Variants in KIF5A observed in about 807,000 individuals in gnomAD.
KIF5A encodes the protein kinesin family member 5A.
Under a neutral mutation model 141.3 loss-of-function variants are expected in KIF5A, and 35 were observed. That is an observed-to-expected ratio of 0.25 (90% CI 0.19 to 0.33). KIF5A has a LOEUF of 0.33. KIF5A is among the 10% of genes least tolerant of loss of function. The pLI is 1.00. For missense variants in KIF5A, 861 were observed against 1,314.3 expected (o/e 0.66, Z 5.33); for synonymous variants, 448 against 500.2 (o/e 0.90, Z 1.39).
Position 57,583,205 on chromosome 12 carries a change from T to C in KIF5A, c.*26T>C. The C allele has an allele frequency of 6.2e-7, 1 of 1,602,248 alleles. No individual in the cohort carries two copies. The highest frequency in any genetic ancestry group is 1.1e-5 in the South Asian group (1 of 90,214). ...TCTCCCACACCCACGGCTGCATACC[T>C]GCACTTTCAGGTAGCGTCAGGCTGC... On this transcript the variant is annotated 3_prime_UTR_variant, in exon 28 of 29. Transcript: ENST00000455537.
At position 57,572,158 on chromosome 12, in the gene KIF5A, T is replaced by A; in HGVS notation, c.1460T>A (p.Val487Glu). ...GCCGCTAAGGATGAGGTGAAGGAAG[T>A]GCTGCAGGCCCTGGAGGAGCTGGCT... ...NDAAKDEVKE[V>E]LQALEELAVN... is the part of the protein sequence containing the mutation. The change falls in exon 14 of 29, where the codon GTG becomes GAG. Residue 487 changes from valine to glutamate, a missense_variant. This residue lies in a region of KIF5A where 167 missense variants were observed against 192.0 expected (regional missense o/e 0.87). Transcript: ENST00000455537. The surrounding 1 kb of genome is among the most constrained non-coding windows in gnomAD (Gnocchi z 4.2). 1 of 1,614,016 alleles carries A rather than the reference T, an allele frequency of 6.2e-7. No individual in the cohort carries two copies. Among genetic ancestry groups the A allele is most frequent in the Non-Finnish European group, 8.5e-7 (1 of 1,179,986 alleles).
rs1487870979 is a variant in KIF5A at position 57,575,222 on chromosome 12, A to C, written c.1855A>C (p.Met619Leu). 6.2e-7 allele frequency: 1 copy of C among 1,613,886 alleles called. No homozygotes were observed. The highest frequency in any genetic ancestry group is 8.5e-7 in the Non-Finnish European group (1 of 1,179,922). The change falls in exon 16 of 29, where the codon ATG (methionine) becomes CTG (leucine). Residue 619 changes from methionine (M) to leucine (L), a missense_variant. Around this residue, in one of 5 missense-constraint regions of KIF5A, gnomAD observed 482 missense variants for 661.3 expected, o/e 0.73. Transcript: ENST00000455537. ...CCTCCAGGTGGAGTGTCACCGCAAG[A>C]TGGAAGTGACCGGGCGGGAGCTCTC... ...ENLQVECHRKMEVTGRELSSC... is the reference protein window; with the variant it reads ...ENLQVECHRKLEVTGRELSSC...
intron 1 of KIF5A, among the ~76,000 whole-genome samples, chr12:57,551,194 GCCCTAC>G (rs749303861): frequency 4.6e-5 from 7 of 152,110 alleles, no homozygotes; most frequent in Non-Finnish European, 8.8e-5. Context: ...CATCATGACA[GCCCTAC>G]CCAAGGAGGA....
rs1327111555 is a variant in KIF5A at position 57,569,967 on chromosome 12, C to T, written c.1118-20C>T. 2 of 1,610,854 alleles carry T rather than the reference C, an allele frequency of 1.2e-6. No homozygotes were observed. The highest frequency in any genetic ancestry group is 1.7e-6 in the Non-Finnish European group (2 of 1,177,882). On this transcript the variant is annotated intron_variant, in intron 11 of 28. Coordinates refer to ENST00000455537, the MANE Select transcript of KIF5A (RefSeq NM_004984.4). ...AGCTTCTTCTTCTTCCATCTCTCAC[C>T]TCGTCTTGCCCCTTTGCAGGAGAGA...
intron 28 of KIF5A, 29 bp downstream of exon 28, chr12:57,583,244 C>T: frequency 7.2e-7 from 1 of 1,390,126 alleles, no homozygotes; most frequent in Admixed American, 1.8e-5. Flanking sequence ...CTCGGACCAG[C>T]CTCAGGTTGC....
chr12:57,555,311 G>A (rs1163439266), intron 1 of KIF5A, among the ~76,000 whole-genome samples: 2 of 152,170 alleles, frequency 1.3e-5, no homozygotes, highest in African/African-American at 4.8e-5. Context: ...TTCATGAAAA[G>A]ATCACTTTTC....
At chr12:57,565,063 G>C in intron 6 of KIF5A, 90 bp downstream of exon 6, 2 of 1,174,464 alleles carry the variant, frequency 1.7e-6, no homozygotes, top group Non-Finnish European at 2.5e-6. Flanking sequence ...TGAAGTTGGA[G>C]GGTGGATATC....
chr12:57,569,705 G>A (rs59862606), intron 11 of KIF5A, 22 bp downstream of exon 11: 6 of 1,611,930 alleles, frequency 3.7e-6, no homozygotes, highest in East Asian at 2.2e-5. Flanking sequence ...ATAGGTGGGA[G>A]TGAGGGGCAG....
At position 57,573,330 on chromosome 12, in the gene KIF5A, G is replaced by GACC. The variant is rs1882313330; in HGVS notation, c.1716+606_1716+608dup. ...GGATCGCTTGAGCCCAGGAGTTCAC[G>GACC]ACCAGCCTGGGTGACATAGTGAAAC... On this transcript the variant is annotated intron_variant, in intron 15 of 28. Coordinates refer to ENST00000455537, the MANE Select transcript of KIF5A (RefSeq NM_004984.4). 2.6e-5 allele frequency among the ~76,000 whole-genome samples: 4 copies of GACC among 152,244 alleles called. No homozygotes were observed. The South Asian group carries it at 8.3e-4, about 32-fold the overall frequency.
intron 16 of KIF5A, 141 bp downstream of exon 16, chr12:57,575,413 C>G: frequency 9.4e-7 from 1 of 1,062,422 alleles, no homozygotes; most frequent in Non-Finnish European, 1.4e-6. Flanking sequence ...GCTGGGGTGG[C>G]AGGGGTGCAG....
At chr12:57,557,874 A>G (rs1005246195) in intron 1 of KIF5A, among the ~76,000 whole-genome samples, 6 of 152,132 alleles carry the variant, frequency 3.9e-5, no homozygotes, top group East Asian at 1.9e-4. Context: ...ACAATTTTCA[A>G]TTTAACTTTC....
intron 8 of KIF5A, among the ~76,000 whole-genome samples, chr12:57,568,439 CAT>C (rs1437499835): frequency 6.6e-6 from 1 of 152,008 alleles, no homozygotes; most frequent in African/African-American, 2.4e-5. Flanking sequence ...TAAATGGAAT[CAT>C]ATGGCTGGGC....
intron 1 of KIF5A, among the ~76,000 whole-genome samples, chr12:57,556,082 T>C (rs1049361950): frequency 6.6e-6 from 1 of 151,680 alleles, no homozygotes; most frequent in Non-Finnish European, 1.5e-5. Context: ...TCATATCTCA[T>C]GTCACATGGC....
At chr12:57,581,335 A>T in intron 24 of KIF5A, 80 bp from the exon 25 acceptor site, 1 of 1,590,508 alleles carries the variant, frequency 6.3e-7, no homozygotes. Flanking sequence ...ACTCAGTTCA[A>T]CCCCAGCTAA....
At position 57,570,342 on chromosome 12, in the gene KIF5A, A is replaced by G. The variant is rs891486645; in HGVS notation, c.1293+180A>G. Among the ~76,000 whole-genome samples, 3 of 152,254 alleles carry G rather than the reference A, an allele frequency of 2.0e-5. No individual in the cohort carries two copies. The South Asian group carries it at 6.2e-4, about 31-fold the overall frequency. ...TTAAAATCATCCACTATTCAGAGAT[A>G]ACACTCAACATTTTGCTTTTCTCTG... On this transcript the variant is annotated intron_variant, in intron 12 of 28. Coordinates refer to ENST00000455537, the MANE Select transcript of KIF5A (RefSeq NM_004984.4).
intron 15 of KIF5A, among the ~76,000 whole-genome samples, chr12:57,573,310 G>A (rs1444331311): frequency 6.6e-6 from 1 of 152,066 alleles, no homozygotes; most frequent in South Asian, 2.1e-4. Context: ...CAGGCGGATC[G>A]CTTGAGCCCA....
intron 6 of KIF5A, among the ~76,000 whole-genome samples, chr12:57,566,666 T>A (rs1450024144): frequency 6.6e-6 from 1 of 151,580 alleles, no homozygotes; most frequent in Admixed American, 6.6e-5. Context: ...CACATTGGCC[T>A]CCCAAACCAA....
Position 57,567,176 on chromosome 12 carries a change from T to C in KIF5A, c.552T>C (p.Ile184=). 1 of 1,613,600 alleles carries C rather than the reference T, an allele frequency of 6.2e-7. No homozygotes were observed. The highest frequency in any genetic ancestry group is 8.5e-7 in the Non-Finnish European group (1 of 1,179,672). The change falls in exon 7 of 29, where the codon ATT becomes ATC. Residue 184 remains isoleucine, a synonymous_variant. Coordinates refer to ENST00000455537, the MANE Select transcript of KIF5A (RefSeq NM_004984.4). The part of the protein sequence containing the change: ...VSSPEEILDV[I]DEGKSNRHVA... ...GCCCGGAGGAGATTCTGGATGTGAT[T>C]GATGAAGGGAAATCAAATCGTCATG...
Position 57,582,040 on chromosome 12 carries a change from A to G in KIF5A, c.2992+88A>G, listed in dbSNP as rs563123919. 9 of 1,078,388 alleles carry G rather than the reference A, an allele frequency of 8.3e-6. No homozygotes were observed. In the African/African-American group the frequency reaches 1.4e-4, roughly 17 times the overall value. The allele number at this position is 1,078,388 out of a possible 1,614,324, so 66.8% of individuals were successfully genotyped here. A position where few individuals can be genotyped will look rare whatever the true frequency, so the allele number is the denominator to read the frequency against. ...AGTAAGTGACCTTAGTGTACAAAAA[A>G]CACTGACTGAACCTTTCTGGTGTGC... On this transcript the variant is annotated intron_variant, in intron 26 of 28. Transcript: ENST00000455537.
Sources: allele counts gnomAD v4.1 joint callset (sites outside exome capture counted in the v4.1 genomes callset), GRCh38; gene constraint gnomAD v4.1.1; regional missense constraint gnomAD v4.1.1; non-coding constraint Gnocchi (gnomAD v3.1); transcripts MANE v1.5; gene names NCBI Gene and HGNC (gene_info 2026-07-23, HGNC 2026-07-21).